MOCOS: variants seen among roughly 807,000 people sequenced by gnomAD.
MOCOS encodes the protein human molybdenum cofactor sulfurase.
In MOCOS, 86 loss-of-function variants were observed where a neutral mutation model predicts 83.6. The observed-to-expected ratio is 1.03, with a 90% confidence interval of 0.86 to 1.23. The LOEUF is 1.23. MOCOS is among the 50% of genes most tolerant of loss of function. The pLI is 0.00. For synonymous variants in MOCOS, 445 were observed against 434.7 expected (o/e 1.02, Z -0.29); for missense variants, 1,120 against 1,126.9 (o/e 0.99, Z 0.09).
In MOCOS at chr18:36,215,593, C is replaced by T. The variant is rs1249588726; in HGVS notation, c.1413C>T (p.Tyr471=). The part of the protein sequence containing the change: ...PTGSVRISFG[Y]MSTLDDVQAF... ...GATCTGTGAGGATTTCATTTGGATA[C>T]ATGTCGACGCTGGATGATGTCCAGG... is the stretch of plus-strand genomic sequence containing the variant. The change falls in exon 8 of 15, where the codon TAC becomes TAT. Residue 471 remains tyrosine, a synonymous_variant. Coordinates refer to ENST00000261326, the MANE Select transcript of MOCOS (RefSeq NM_017947.4). 4 of 1,614,168 alleles carry T rather than the reference C, an allele frequency of 2.5e-6. No homozygotes were observed. Among genetic ancestry groups the T allele is most frequent in the East Asian group, 4.5e-5 (2 of 44,882 alleles).
At chr18:36,260,857 C>T (rs945457993) in intron 13 of MOCOS, among the ~76,000 whole-genome samples, 6 of 151,820 alleles carry the variant, frequency 4.0e-5, no homozygotes, top group African/African-American at 1.5e-4. Flanking sequence ...GACCTTCTCT[C>T]TGTTCCCTAA....
At chr18:36,255,487 C>T (rs968514662) in intron 11 of MOCOS, among the ~76,000 whole-genome samples, 5 of 152,082 alleles carry the variant, frequency 3.3e-5, no homozygotes, top group African/African-American at 1.2e-4. Flanking sequence ...TTGAATGGGG[C>T]TTTTGTCTTC....
intron 14 of MOCOS, 131 bp downstream of exon 14, chr18:36,266,984 G>A (rs2144161036): frequency 1.3e-6 from 1 of 757,192 alleles, no homozygotes; most frequent in Non-Finnish European, 2.3e-6. Flanking sequence ...CTGTTGGGCT[G>A]CCATTAACCT....
At chr18:36,239,579 A>G (rs1402254410) in intron 9 of MOCOS, among the ~76,000 whole-genome samples, 1 of 147,868 alleles carries the variant, frequency 6.8e-6, no homozygotes, top group Admixed American at 6.8e-5. Flanking sequence ...TTTTTCCTTC[A>G]TTTCAACTTT....
rs1461229465 is a variant in MOCOS at position 36,215,625 on chromosome 18, T to G, written c.1445T>G (p.Leu482Arg). 1.2e-6 allele frequency: 2 copies of G among 1,614,182 alleles called. No individual in the cohort carries two copies. The highest frequency in any genetic ancestry group is 2.2e-5 in the South Asian group (2 of 91,084). Residue 482 changes from leucine (L) to arginine (R), a missense_variant, in exon 8 of 15, where the codon CTT (leucine) becomes CGT (arginine). By Grantham distance (102) the Leu-to-Arg change is moderately radical (BLOSUM62 -2). Coordinates refer to ENST00000261326, the MANE Select transcript of MOCOS (RefSeq NM_017947.4). Reference sequence around the variant, plus strand: ...ACGCTGGATGATGTCCAGGCCTTTCTTAGGTTCATCATAGACACTCGCCTG... The same window carrying G: ...ACGCTGGATGATGTCCAGGCCTTTCGTAGGTTCATCATAGACACTCGCCTG... ...MSTLDDVQAF[L>R]RFIIDTRLHS...
rs2091691111 is a variant in MOCOS, at chr18:36,269,037, T to C, written c.*352T>C. 1 of 298,266 alleles carries C rather than the reference T, an allele frequency of 3.4e-6. No homozygotes were observed. Among genetic ancestry groups the C allele is most frequent in the South Asian group, 3.5e-5 (1 of 28,854 alleles). The allele number at this position is 298,266 out of a possible 1,614,324, so 18.5% of individuals were successfully genotyped here. ...TCCCTATTTTGCCATTTTCTCACAT[T>C]GTTACTTTGTTTTTAGAGAGCATCT... On this transcript the variant is annotated 3_prime_UTR_variant, in exon 15 of 15. Transcript: ENST00000261326.
chr18:36,259,957 G>A, intron 12 of MOCOS, 80 bp from the exon 13 acceptor site: 3 of 1,572,824 alleles, frequency 1.9e-6, no homozygotes, highest in Non-Finnish European at 2.6e-6. Flanking sequence ...GGTGTTACAT[G>A]GCAGGCATGA....
At position 36,215,391 on chromosome 18, in the gene MOCOS, T is replaced by C. The variant is rs117306062; in HGVS notation, c.1336-125T>C. On this transcript the variant is annotated intron_variant, in intron 7 of 14. Coordinates refer to ENST00000261326, the MANE Select transcript of MOCOS (RefSeq NM_017947.4). The stretch of plus-strand genomic sequence containing the variant: ...CTATGTCCCAGACGCACAGCACATA[T>C]TAATGTTGCAGTTCTGTTTTCCTGG... 7.0e-3 allele frequency: 6,208 copies of C among 884,086 alleles called. 27 individuals are homozygous for C. Among genetic ancestry groups the C allele is most frequent in the Non-Finnish European group, 9.2e-3 (5,066 of 552,108 alleles). The allele number at this position is 884,086 out of a possible 1,614,324, so 54.8% of individuals were successfully genotyped here. A position where few individuals can be genotyped will look rare whatever the true frequency, so the allele number is the denominator to read the frequency against.
At position 36,261,300 on chromosome 18, in the gene MOCOS, T is replaced by G. The variant is rs528199099; in HGVS notation, c.2409+1125T>G. Among the ~76,000 whole-genome samples the G allele has an allele frequency of 2.2e-4, 34 of 152,314 alleles. No individual in the cohort carries two copies. In the South Asian group the frequency reaches 3.1e-3, roughly 14 times the overall value. On this transcript the variant is annotated intron_variant, in intron 13 of 14. Transcript: ENST00000261326. ...AAAGAATATGACCACTGGAGCATTT[T>G]GGATTTCAGATTTTCAAATTAGGAA...
At chr18:36,202,237 C>A (rs997327658) in intron 4 of MOCOS, among the ~76,000 whole-genome samples, 2 of 152,190 alleles carry the variant, frequency 1.3e-5, no homozygotes, top group African/African-American at 4.8e-5. Flanking sequence ...AAGTACATCC[C>A]TTGACAGAAA....
intron 1 of MOCOS, among the ~76,000 whole-genome samples, chr18:36,193,312 C>T (rs1270871188): frequency 1.5e-4 from 9 of 59,900 alleles, no homozygotes; most frequent in East Asian, 1.1e-3. Context: ...AGCGAGACTC[C>T]GTCTCAAAAA....
chr18:36,258,346 T>C (rs1387194713), intron 12 of MOCOS, among the ~76,000 whole-genome samples: 1 of 152,194 alleles, frequency 6.6e-6, no homozygotes, highest in East Asian at 1.9e-4. Flanking sequence ...TTAACCATGA[T>C]AGCTTTTGGA....
intron 1 of MOCOS, among the ~76,000 whole-genome samples, chr18:36,188,526 C>A (rs2091351456): frequency 6.6e-6 from 1 of 152,188 alleles, no homozygotes. Flanking sequence ...GCCCCAGGGC[C>A]GCGTGCCGGA....
intron 1 of MOCOS, among the ~76,000 whole-genome samples, chr18:36,188,134 T>C (rs1398111388): frequency 6.6e-6 from 1 of 152,040 alleles, no homozygotes; most frequent in African/African-American, 2.4e-5. Context: ...GCGCGCCAGG[T>C]TGGGACCGGG....
chr18:36,211,685 G>A (rs1372817571), intron 6 of MOCOS, among the ~76,000 whole-genome samples: 2 of 152,070 alleles, frequency 1.3e-5, no homozygotes, highest in Admixed American at 1.3e-4. Context: ...GGCAAGAAGA[G>A]ACTGATGCAT....
intron 5 of MOCOS, among the ~76,000 whole-genome samples, chr18:36,203,534 T>TC (rs2091422790): frequency 1.3e-5 from 2 of 152,286 alleles, no homozygotes; most frequent in South Asian, 2.1e-4. Flanking sequence ...TTCTGGGTCC[T>TC]CCCCACTGCC....
intron 9 of MOCOS, among the ~76,000 whole-genome samples, chr18:36,229,484 T>C (rs898815253): frequency 1.3e-5 from 2 of 152,230 alleles, no homozygotes; most frequent in Non-Finnish European, 1.5e-5. Flanking sequence ...CGTGGATTTT[T>C]TCAGATTTAT....
At chr18:36,193,819 C>T (rs1409428058) in intron 1 of MOCOS, among the ~76,000 whole-genome samples, 3 of 152,192 alleles carry the variant, frequency 2.0e-5, no homozygotes, top group African/African-American at 4.8e-5. Flanking sequence ...AGAGAAAACA[C>T]ATCCACACAA....
chr18:36,258,014 G>C (rs2091649201), intron 12 of MOCOS, among the ~76,000 whole-genome samples: 1 of 152,162 alleles, frequency 6.6e-6, no homozygotes, highest in Non-Finnish European at 1.5e-5. Flanking sequence ...CGCTATCTTT[G>C]AGAGCAAAAG....
Sources: gnomAD v4.1 joint callset for allele counts (sites outside exome capture counted in the v4.1 genomes callset) on GRCh38, gnomAD v4.1.1 for gene constraint, MANE v1.5 for transcripts, NCBI Gene and HGNC (gene_info 2026-07-23, HGNC 2026-07-21) for gene names.